TBPL1: variants seen among roughly 807,000 people sequenced by gnomAD.
TBPL1 encodes the protein TATA-box binding protein like 1.
TBPL1 carries 4 observed loss-of-function variants against 22.1 expected under a neutral mutation model. That is an observed-to-expected ratio of 0.18 (90% confidence interval 0.09 to 0.41). The LOEUF is 0.41. Among genes scored for constraint, TBPL1 ranks in the 10% least tolerant of loss-of-function variants. The pLI, the probability that TBPL1 is intolerant of heterozygous loss-of-function variation, is 1.00. For synonymous variants in TBPL1, 64 were observed against 71.0 expected, an observed-to-expected ratio of 0.90 and a Z score of 0.50; for missense variants, 115 against 222.3, an observed-to-expected ratio of 0.52 and a Z score of 3.07.
At chr6:133,973,177 A>C (rs920086111) in intron 1 of TBPL1, among the ~76,000 whole-genome samples, 2 of 152,214 alleles carry the variant, frequency 1.3e-5, no homozygotes, top group African/African-American at 4.8e-5. Context: ...TTTATAAAGG[A>C]TGTGAGGTTA....
chr6:133,974,502 T>G (rs1038045418), intron 1 of TBPL1, among the ~76,000 whole-genome samples: 1 of 152,146 alleles, frequency 6.6e-6, no homozygotes, highest in African/African-American at 2.4e-5. Context: ...CCCGGCTGAT[T>G]TTTGTATTTT....
intron 6 of TBPL1, 65 bp downstream of exon 6, chr6:133,984,736 A>G: frequency 7.4e-7 from 1 of 1,343,028 alleles, no homozygotes; most frequent in Non-Finnish European, 1.1e-6. Flanking sequence ...TGCTCATACC[A>G]AGATAGAAAT....
At chr6:133,985,848 T>A (rs1201418673) in intron 6 of TBPL1, 2 of 152,166 alleles carry the variant, frequency 1.3e-5, no homozygotes, top group Non-Finnish European at 2.9e-5. Flanking sequence ...AAATATGGGA[T>A]GATAGGAGAC....
rs1239579095 is a variant in TBPL1 at position 133,987,734 on chromosome 6, G to A, written c.*694G>A. On this transcript the variant is annotated 3_prime_UTR_variant, in exon 7 of 7. Transcript: ENST00000237264. ...ATAACAAATAGGAATTTTTTTTCTT[G>A]CAGATTAGAAATAAAAACGTGTATA... The A allele has an allele frequency of 6.6e-6, 1 of 150,420 alleles. No homozygotes were observed. Among genetic ancestry groups the A allele is most frequent in the Non-Finnish European group, 1.5e-5 (1 of 67,526 alleles). The allele number at this position is 150,420 out of a possible 1,614,324, so 9.3% of individuals were successfully genotyped here.
At chr6:133,986,730 AGTGAATAACCTCATTTT>A (rs1346585996) in intron 6 of TBPL1, among the ~76,000 whole-genome samples, 2 of 152,208 alleles carry the variant, frequency 1.3e-5, no homozygotes, top group Admixed American at 6.6e-5. Context: ...CCTAAAACAA[AGTGAATAACCTCATTTT>A]GTGTTTCATA....
intron 1 of TBPL1, among the ~76,000 whole-genome samples, chr6:133,960,567 TTTACTC>T (rs1291503236): frequency 2.6e-5 from 4 of 152,238 alleles, no homozygotes; most frequent in South Asian, 2.1e-4. Flanking sequence ...TGCCTCTTGA[TTTACTC>T]TTTCTAGGCT....
At position 133,987,007 on chromosome 6, in the gene TBPL1, A is replaced by G. The variant is rs754827008; in HGVS notation, c.528A>G (p.Pro176=). The change falls in exon 7 of 7, where the codon CCA becomes CCG. Residue 176 remains proline, a synonymous_variant. Coordinates refer to ENST00000237264, the MANE Select transcript of TBPL1 (RefSeq NM_004865.4). ...AVATAVEQIY[P]FVFESRKEIL ...CTACTGCTGTGGAACAGATTTACCCATTTGTGTTTGAAAGCAGGAAAGAAA... is the reference window on the plus strand; with the variant it reads ...CTACTGCTGTGGAACAGATTTACCCGTTTGTGTTTGAAAGCAGGAAAGAAA... 5 of 1,609,278 alleles carry G rather than the reference A, an allele frequency of 3.1e-6. No homozygotes were observed. Among genetic ancestry groups the G allele is most frequent in the South Asian group, 1.1e-5 (1 of 90,340 alleles).
Position 133,987,649 on chromosome 6 carries a change from T to TGTATAC in TBPL1, c.*609_*610insGTATAC, listed in dbSNP as rs1776556031. The stretch of plus-strand genomic sequence containing the variant: ...TTGTGTGTGTGTGTGTGTGTGTGTG[T>TGTATAC]ATATATATATATATATATGCACCAC... On this transcript the variant is annotated 3_prime_UTR_variant, in exon 7 of 7. Coordinates refer to ENST00000237264, the MANE Select transcript of TBPL1 (RefSeq NM_004865.4). 1 of 134,436 alleles carries TGTATAC rather than the reference T, an allele frequency of 7.4e-6. No homozygotes were observed. Among genetic ancestry groups the TGTATAC allele is most frequent in the African/African-American group, 3.1e-5 (1 of 31,962 alleles). 8.3% of individuals were successfully genotyped at this position (134,436 alleles called of 1,614,324 possible).
rs747482194 is a variant in TBPL1 at position 133,955,720 on chromosome 6, T to G, written c.-45+2295T>G. ...TAATACTGTAATTGTAGACGGTCAC[T>G]TTTTAAAAAAGTATTGTAGAGCCTG... On this transcript the variant is annotated intron_variant, in intron 1 of 6. Coordinates refer to ENST00000237264, the MANE Select transcript of TBPL1 (RefSeq NM_004865.4). Among the ~76,000 whole-genome samples the G allele has an allele frequency of 7.9e-5, 12 of 152,330 alleles. 1 individual carries two copies. In the East Asian group the frequency reaches 9.6e-4, roughly 12 times the overall value.
chr6:133,970,161 A>T (rs1177061052), intron 1 of TBPL1, among the ~76,000 whole-genome samples: 1 of 151,896 alleles, frequency 6.6e-6, no homozygotes, highest in Non-Finnish European at 1.5e-5. Context: ...ACCTCAATTG[A>T]CTCTGTCAAT....
chr6:133,972,778 A>T (rs1252263575), intron 1 of TBPL1, among the ~76,000 whole-genome samples: 1 of 152,156 alleles, frequency 6.6e-6, no homozygotes, highest in African/African-American at 2.4e-5. Flanking sequence ...ATATTCAACT[A>T]TTGGTGAATC....
intron 1 of TBPL1, among the ~76,000 whole-genome samples, chr6:133,960,894 C>G (rs1254144687): frequency 6.6e-6 from 1 of 152,182 alleles, no homozygotes; most frequent in Non-Finnish European, 1.5e-5. Flanking sequence ...ATAAAAAATG[C>G]TGAAGGTCAG....
intron 1 of TBPL1, among the ~76,000 whole-genome samples, chr6:133,965,327 C>T (rs557988615): frequency 1.8e-4 from 28 of 152,122 alleles, no homozygotes; most frequent in Non-Finnish European, 3.4e-4. Context: ...CTCAAGAAAA[C>T]AAATACCTTA....
In TBPL1 at chr6:133,966,957, G is replaced by C. The variant is rs896614360; in HGVS notation, c.-44-13125G>C. 2.2e-4 allele frequency among the ~76,000 whole-genome samples: 34 copies of C among 152,288 alleles called. 1 individual carries two copies. The highest frequency in any genetic ancestry group is 8.2e-4 in the African/African-American group (34 of 41,558). ...ATGCAAATACGTGATGTCAGTTCTT[G>C]CTTCTTTTTTAGCTAACCACTACTT... is the stretch of plus-strand genomic sequence containing the variant. On this transcript the variant is annotated intron_variant, in intron 1 of 6. Coordinates refer to ENST00000237264, the MANE Select transcript of TBPL1 (RefSeq NM_004865.4).
intron 1 of TBPL1, among the ~76,000 whole-genome samples, chr6:133,959,992 C>G (rs1424378154): frequency 6.6e-6 from 1 of 152,178 alleles, no homozygotes; most frequent in Non-Finnish European, 1.5e-5. Context: ...CCACCCCATC[C>G]TTTTTAATTT....
At chr6:133,960,875 A>G (rs1249220950) in intron 1 of TBPL1, among the ~76,000 whole-genome samples, 1 of 152,224 alleles carries the variant, frequency 6.6e-6, no homozygotes, top group Non-Finnish European at 1.5e-5. Context: ...GAGGATGAGA[A>G]AAGGGAATAT....
rs2114378789 is a variant in TBPL1, at chr6:133,980,218, T to C, written c.93T>C (p.Ile31=). The C allele has an allele frequency of 1.2e-6, 2 of 1,610,028 alleles. No individual in the cohort carries two copies. The highest frequency in any genetic ancestry group is 4.5e-5 in the East Asian group (2 of 44,636). ...GATGTCATTTAAACTTAAGGAAGAT[T>C]GCTTTGGAAGGAGCAAATGTAATTT... ...RTRCHLNLRK[I]ALEGANVIYK... The change falls in exon 2 of 7, where the codon ATT becomes ATC. Residue 31 remains isoleucine (I), a synonymous_variant. Transcript: ENST00000237264.
intron 1 of TBPL1, among the ~76,000 whole-genome samples, chr6:133,964,093 T>A (rs1256679719): frequency 6.6e-6 from 1 of 152,164 alleles, no homozygotes; most frequent in African/African-American, 2.4e-5. Flanking sequence ...CTCTTGTGTG[T>A]TCTGTGTAAG....
At chr6:133,956,581 C>T (rs776842620) in intron 1 of TBPL1, among the ~76,000 whole-genome samples, 1 of 152,120 alleles carries the variant, frequency 6.6e-6, no homozygotes, top group Non-Finnish European at 1.5e-5. Flanking sequence ...TATTGTATGT[C>T]CCTGCCCTGT....
Sources: allele counts gnomAD v4.1 joint callset (sites outside exome capture counted in the v4.1 genomes callset), GRCh38; gene constraint gnomAD v4.1.1; transcripts MANE v1.5; gene names NCBI Gene and HGNC (gene_info 2026-07-23, HGNC 2026-07-21).